The following EXOC3 variants were observed in gnomAD, a reference collection of about 807,000 sequenced individuals.
The protein encoded by EXOC3 is exocyst complex component 3, also known as SEC6-like 1.
In EXOC3, 21 loss-of-function variants were observed where a neutral mutation model predicts 73.7. The observed-to-expected ratio is 0.29, with a 90% CI of 0.20 to 0.41. The LOEUF (loss-of-function observed/expected upper bound fraction) is 0.41, where lower values mean the gene tolerates loss of function less well. EXOC3 is among the 10% of genes least tolerant of loss of function. The probability of loss-of-function intolerance (pLI) is 1.00; values close to 1 mark genes in which losing one functional copy is unlikely to be tolerated. For synonymous variants in EXOC3, 410 were observed against 389.1 expected (o/e 1.05, Z -0.63); for missense variants, 842 against 985.1 (o/e 0.85, Z 1.95).
chr5:465,132 C>T lies in EXOC3; in HGVS notation c.1798C>T (p.Arg600Trp), dbSNP rs769090064. The change falls in exon 11 of 13, where the codon CGG becomes TGG. Residue 600 changes from arginine to tryptophan, a missense_variant. Physicochemically the swap from Arg to Trp is moderately radical, Grantham distance 101. Coordinates refer to ENST00000512944, the MANE Select transcript of EXOC3 (RefSeq NM_007277.5). ...CCAGAGGATGACGGCCGAGGCGCACCGGCGCGTGGTGGTGGAGTACCTGCG... is the reference window on the plus strand; with the variant it reads ...CCAGAGGATGACGGCCGAGGCGCACTGGCGCGTGGTGGTGGAGTACCTGCG... ...YKKRMTAEAH[R>W]RVVVEYLRAV... 1.2e-5 allele frequency: 19 copies of T among 1,589,120 alleles called. No homozygotes were observed. In the South Asian group the frequency reaches 1.5e-4, roughly 12 times the overall value.
intron 1 of EXOC3, among the ~76,000 whole-genome samples, chr5:443,969 G>T (rs776137710): frequency 1.3e-5 from 2 of 150,902 alleles, no homozygotes; most frequent in Non-Finnish European, 3.0e-5. Flanking sequence ...CTCCAGCGGA[G>T]TGTCCCCTCC....
Position 462,047 on chromosome 5 carries a change from C to T in EXOC3, c.1479C>T (p.Ile493=). 1 of 1,610,256 alleles carries T rather than the reference C, an allele frequency of 6.2e-7. No individual in the cohort carries two copies. Among genetic ancestry groups the T allele is most frequent in the Non-Finnish European group, 8.5e-7 (1 of 1,178,166 alleles). Residue 493 remains isoleucine, a synonymous_variant, in exon 8 of 13, where the codon ATC becomes ATT. Coordinates refer to ENST00000512944, the MANE Select transcript of EXOC3 (RefSeq NM_007277.5). ...PHCYVQYMIA[I]INNCQTFKES... ...GCTACGTTCAGTACATGATCGCCAT[C>T]ATCAACAACTGCCAGACCTTCAAGT...
At chr5:449,643 T>C (rs1737600121) in intron 3 of EXOC3, among the ~76,000 whole-genome samples, 1 of 152,262 alleles carries the variant, frequency 6.6e-6, no homozygotes, top group African/African-American at 2.4e-5. Flanking sequence ...CTTTTAAGGC[T>C]GAATAATATT....
chr5:454,133 G>A (rs949180247), intron 4 of EXOC3, 82 bp downstream of exon 4: 44 of 1,200,808 alleles, frequency 3.7e-5, no homozygotes, highest in South Asian at 1.8e-4. Flanking sequence ...CTGGAGAGCC[G>A]ACCTCAGGGT....
rs1737719364 is a variant in EXOC3, at chr5:453,676, G to A, written c.671G>A (p.Arg224Lys). ...ATTGAAAGGGAAGAGAAAATTGACA[G>A]GCGCATACTTGACCGGAAAAAGCAA... is the stretch of plus-strand genomic sequence containing the variant. ...RIIEREEKID[R>K]RILDRKKQTG... is the part of the protein sequence containing the mutation. Residue 224 changes from arginine to lysine, a missense_variant, in exon 4 of 13, where the codon AGG (arginine) becomes AAG (lysine). Coordinates refer to ENST00000512944, the MANE Select transcript of EXOC3 (RefSeq NM_007277.5). 5.0e-6 allele frequency: 8 copies of A among 1,613,944 alleles called. No individual in the cohort carries two copies. Among genetic ancestry groups the A allele is most frequent in the Non-Finnish European group, 5.9e-6 (7 of 1,179,880 alleles).
rs568176788 is a variant in EXOC3, at chr5:466,766, C to T, written c.2106C>T (p.Asp702=). The T allele has an allele frequency of 1.3e-5, 21 of 1,613,142 alleles. No individual in the cohort carries two copies. The highest frequency in any genetic ancestry group is 9.3e-5 in the African/African-American group (7 of 75,016). ...HIGALLAVRG[D]ASRDMKQTIM... ...GTGCGCTGCTGGCTGTGCGTGGGGACGCCAGCCGTGACATGAAGCAGACCA... is the reference window on the plus strand; with the variant it reads ...GTGCGCTGCTGGCTGTGCGTGGGGATGCCAGCCGTGACATGAAGCAGACCA... The change falls in exon 13 of 13, where the codon GAC becomes GAT. Residue 702 remains aspartate, a synonymous_variant. Coordinates refer to ENST00000512944, the MANE Select transcript of EXOC3 (RefSeq NM_007277.5).
intron 5 of EXOC3, chr5:457,531 C>T (rs1579740553): frequency 8.5e-6 from 2 of 235,040 alleles, no homozygotes; most frequent in Admixed American, 5.1e-5. Context: ...GGGACGTGAG[C>T]TGCTGTGGTT....
chr5:460,271 T>C (rs2126584403), intron 7 of EXOC3, among the ~76,000 whole-genome samples: 1 of 152,320 alleles, frequency 6.6e-6, no homozygotes, highest in East Asian at 1.9e-4. Context: ...GCCCCTTCCC[T>C]CCTTCAGCTG....
chr5:452,409 G>T (rs1397927808), intron 3 of EXOC3, among the ~76,000 whole-genome samples: 2 of 151,888 alleles, frequency 1.3e-5, no homozygotes, highest in Non-Finnish European at 2.9e-5. Context: ...CTCATTATTG[G>T]TATTTCCATT....
At chr5:463,914 T>C (rs1374604561) in intron 9 of EXOC3, among the ~76,000 whole-genome samples, 1 of 152,250 alleles carries the variant, frequency 6.6e-6, no homozygotes, top group African/African-American at 2.4e-5. Flanking sequence ...AACATGTCAT[T>C]TTGGGAAGCT....
chr5:453,336 G>A, intron 3 of EXOC3, 34 bp from the exon 4 acceptor site: 1 of 1,509,120 alleles, frequency 6.6e-7, no homozygotes, highest in Non-Finnish European at 9.0e-7. Context: ...TGTGGTGGTG[G>A]TTGTTTATGT....
chr5:450,761 A>G (rs995665073), intron 3 of EXOC3, among the ~76,000 whole-genome samples: 3 of 149,786 alleles, frequency 2.0e-5, no homozygotes, highest in Admixed American at 6.7e-5. Context: ...TGAACCTTCT[A>G]TTAATACATA....
intron 1 of EXOC3, among the ~76,000 whole-genome samples, chr5:443,899 C>G (rs1057086178): frequency 1.3e-5 from 2 of 151,414 alleles, no homozygotes; most frequent in Admixed American, 1.3e-4. Flanking sequence ...TGGGCACAAG[C>G]GTCCTTCCTG....
intron 3 of EXOC3, among the ~76,000 whole-genome samples, chr5:448,430 C>T (rs370955233): frequency 6.0e-4 from 91 of 152,186 alleles, no homozygotes; most frequent in African/African-American, 2.0e-3. Context: ...CCTTGGTCCC[C>T]GCTCTGTGTC....
intron 1 of EXOC3, among the ~76,000 whole-genome samples, chr5:445,890 A>G (rs1459313689): frequency 6.6e-6 from 1 of 152,188 alleles, no homozygotes; most frequent in Non-Finnish European, 1.5e-5. Flanking sequence ...TCTGGGACCC[A>G]CATCTAGAAT....
chr5:447,446 C>A, intron 2 of EXOC3, 87 bp from the exon 3 acceptor site: 1 of 963,516 alleles, frequency 1.0e-6, no homozygotes, highest in Non-Finnish European at 1.5e-6. Flanking sequence ...CTTTCCTGAA[C>A]TTGACCCTCC....
In EXOC3 at chr5:459,476, G is replaced by T. The variant is rs1384646697; in HGVS notation, c.1391+17G>T. ...CCTAAGCAGGTATGTCTTTCTGCCAGTGTGCTAATGTACACATTGAATGTT... is the reference window on the plus strand; with the variant it reads ...CCTAAGCAGGTATGTCTTTCTGCCATTGTGCTAATGTACACATTGAATGTT... On this transcript the variant is annotated intron_variant, in intron 7 of 12. Transcript: ENST00000512944. 5 of 1,316,434 alleles carry T rather than the reference G, an allele frequency of 3.8e-6. No homozygotes were observed. Among genetic ancestry groups the T allele is most frequent in the Non-Finnish European group, 5.3e-6 (5 of 941,040 alleles). The allele number at this position is 1,316,434 out of a possible 1,614,324, so 81.5% of individuals were successfully genotyped here.
intron 2 of EXOC3, among the ~76,000 whole-genome samples, chr5:446,684 C>A (rs765407333): frequency 1.4e-4 from 22 of 152,072 alleles, no homozygotes; most frequent in Non-Finnish European, 2.6e-4. Flanking sequence ...ATGGTGAAAC[C>A]CTGTCTCTAT....
At chr5:461,612 C>T (rs1355997969) in intron 7 of EXOC3, 1 of 193,220 alleles carries the variant, frequency 5.2e-6, no homozygotes, top group Non-Finnish European at 1.1e-5. Flanking sequence ...GACTCTATCT[C>T]AAAAAAAAAA....
Sources: allele counts gnomAD v4.1 joint callset (sites outside exome capture counted in the v4.1 genomes callset), GRCh38; gene constraint gnomAD v4.1.1; transcripts MANE v1.5; gene names NCBI Gene and HGNC (gene_info 2026-07-23, HGNC 2026-07-21).